Variants in PTPRG observed in about 807,000 individuals in gnomAD.
PTPRG encodes the protein receptor-type tyrosine-protein phosphatase gamma.
PTPRG carries 102 observed loss-of-function variants against 165.3 expected under a neutral mutation model. The ratio of observed to expected loss-of-function variants is 0.62; its 90% CI spans 0.53 to 0.73. The LOEUF (loss-of-function observed/expected upper bound fraction) is 0.73, where lower values mean the gene tolerates loss of function less well. PTPRG is among the 30% of genes least tolerant of loss of function. The pLI is 0.00. For missense variants in PTPRG, 1,866 were observed against 1,861.4 expected, an observed-to-expected ratio of 1.00 and a Z score of -0.05; for synonymous variants, 675 against 669.5, an observed-to-expected ratio of 1.01 and a Z score of -0.13.
At chr3:61,983,663 C>CAT (rs893221423) in intron 2 of PTPRG, among the ~76,000 whole-genome samples, 28 of 152,202 alleles carry the variant, frequency 1.8e-4, no homozygotes, top group African/African-American at 6.3e-4. Flanking sequence ...GAACATGAAT[C>CAT]ATATATAGGT....
At chr3:61,960,544 T>A (rs2040127304) in intron 2 of PTPRG, among the ~76,000 whole-genome samples, 1 of 152,126 alleles carries the variant, frequency 6.6e-6, no homozygotes, top group Admixed American at 6.6e-5. Context: ...GTAAAACTGA[T>A]CAATGGGATC....
chr3:61,768,908 A>AG (rs769975843), intron 2 of PTPRG, among the ~76,000 whole-genome samples: 3 of 152,154 alleles, frequency 2.0e-5, no homozygotes, highest in Non-Finnish European at 4.4e-5. Context: ...GTGTGGTCAC[A>AG]GGGAAATTTC....
intron 4 of PTPRG, among the ~76,000 whole-genome samples, chr3:62,065,269 G>C (rs184308852): frequency 1.1e-4 from 17 of 152,264 alleles, no homozygotes; most frequent in Admixed American, 6.5e-4. Context: ...TATTTTTTTA[G>C]AGGTAGTGAT....
At chr3:61,585,416 C>A (rs905003617) in intron 1 of PTPRG, among the ~76,000 whole-genome samples, 4 of 152,020 alleles carry the variant, frequency 2.6e-5, no homozygotes, top group South Asian at 2.1e-4. Context: ...CCATTTGGTA[C>A]TATAGCCATT....
chr3:61,992,326 GTTTTGT>G (rs751642684), intron 3 of PTPRG, among the ~76,000 whole-genome samples: 52 of 151,732 alleles, frequency 3.4e-4, no homozygotes, highest in Non-Finnish European at 6.3e-4. Context: ...AACTTGTATT[GTTTTGT>G]TTTAACACTA....
chr3:61,991,999 C>T (rs1350582198), intron 3 of PTPRG, among the ~76,000 whole-genome samples: 3 of 152,292 alleles, frequency 2.0e-5, no homozygotes, highest in East Asian at 3.9e-4. Flanking sequence ...TCTCTGAGTG[C>T]ATGCACTTGA....
At chr3:61,668,433 C>CT (rs2107056346) in intron 1 of PTPRG, among the ~76,000 whole-genome samples, 1 of 152,164 alleles carries the variant, frequency 6.6e-6, no homozygotes, top group East Asian at 1.9e-4. Context: ...AAATAGCAAT[C>CT]TTAAACTTTC....
intron 5 of PTPRG, among the ~76,000 whole-genome samples, chr3:62,089,054 C>T (rs1246765866): frequency 6.6e-6 from 1 of 152,226 alleles, no homozygotes; most frequent in Non-Finnish European, 1.5e-5. Context: ...AGGGTTTACA[C>T]TGAAGCTACT....
chr3:61,840,778 G>GTTTTTT (rs1421518243), intron 2 of PTPRG, among the ~76,000 whole-genome samples: 5 of 106,192 alleles, frequency 4.7e-5, no homozygotes, highest in African/African-American at 2.2e-4. Flanking sequence ...TTTTTTGTTT[G>GTTTTTT]TTTGTTTTTT....
intron 2 of PTPRG, among the ~76,000 whole-genome samples, chr3:61,955,315 G>T (rs1468565361): frequency 6.6e-6 from 1 of 152,074 alleles, no homozygotes; most frequent in East Asian, 1.9e-4. Flanking sequence ...CGAAGTAAAT[G>T]CTATGTAAAT....
intron 5 of PTPRG, among the ~76,000 whole-genome samples, chr3:62,080,247 T>G (rs1701524647): frequency 6.6e-6 from 1 of 151,306 alleles, no homozygotes; most frequent in Admixed American, 6.6e-5. Context: ...TTTTTTTTTT[T>G]GTATTTTTAG....
At chr3:61,977,928 A>G (rs1002938262) in intron 2 of PTPRG, among the ~76,000 whole-genome samples, 1 of 152,192 alleles carries the variant, frequency 6.6e-6, no homozygotes, top group Non-Finnish European at 1.5e-5. Flanking sequence ...TTTGAGTTTA[A>G]AGAGGTTTAC....
intron 5 of PTPRG, among the ~76,000 whole-genome samples, chr3:62,129,760 CT>C (rs763691058): frequency 1.3e-5 from 2 of 152,142 alleles, no homozygotes; most frequent in African/African-American, 2.4e-5. Flanking sequence ...AGTGGTCCCC[CT>C]GACTATAAAA....
At position 62,293,250 on chromosome 3, in the gene PTPRG, T is replaced by C. The variant is rs529320349; in HGVS notation, c.4281T>C (p.Gly1427=). ...GTCCCATGACAGTAGACAAAAATGG[T>C]GCTGTTCTTATTGCAGATGAATCAG... is the stretch of plus-strand genomic sequence containing the variant. The part of the protein sequence containing the change: ...GNGPMTVDKN[G]AVLIADESDP... Residue 1427 remains glycine, a synonymous_variant, in exon 30 of 30, where the codon GGT becomes GGC. Coordinates refer to ENST00000474889, the MANE Select transcript of PTPRG (RefSeq NM_002841.4). The C allele has an allele frequency of 2.5e-6, 4 of 1,611,858 alleles. No individual in the cohort carries two copies. In the South Asian group the frequency reaches 4.4e-5, roughly 18 times the overall value.
At chr3:61,954,850 A>T (rs943415854) in intron 2 of PTPRG, among the ~76,000 whole-genome samples, 1 of 152,244 alleles carries the variant, frequency 6.6e-6, no homozygotes, top group African/African-American at 2.4e-5. Context: ...AACAAATCAG[A>T]TGAGAAAGGA....
intron 1 of PTPRG, among the ~76,000 whole-genome samples, chr3:61,572,174 C>A (rs377738261): frequency 3.9e-5 from 6 of 152,148 alleles, no homozygotes; most frequent in African/African-American, 1.4e-4. Context: ...TACGGATTAT[C>A]CTGAGGGAGT....
chr3:61,762,288 G>A (rs1448429218), intron 2 of PTPRG, among the ~76,000 whole-genome samples: 1 of 152,106 alleles, frequency 6.6e-6, no homozygotes, highest in Non-Finnish European at 1.5e-5. Flanking sequence ...AACACTCAAG[G>A]CCAATTGAGC....
intron 2 of PTPRG, among the ~76,000 whole-genome samples, chr3:61,985,880 C>T (rs1471844513): frequency 6.6e-6 from 1 of 152,168 alleles, no homozygotes; most frequent in Non-Finnish European, 1.5e-5. Context: ...TAAATTTGCA[C>T]ATGGATTCTT....
rs142479745 is a variant in PTPRG, at chr3:61,895,063, C to G, written c.191-94562C>G. Among the ~76,000 whole-genome samples the G allele has an allele frequency of 2.6e-3, 390 of 152,242 alleles. 6 individuals are homozygous for G. The highest frequency in any genetic ancestry group is 9.0e-3 in the African/African-American group (374 of 41,546). ...TCTCCAGATGGACGTCGTTAAACAT[C>G]CCCTAGGGGCAGAATGGATCCCTGA... On this transcript the variant is annotated intron_variant, in intron 2 of 29. Coordinates refer to ENST00000474889, the MANE Select transcript of PTPRG (RefSeq NM_002841.4).
Sources: allele counts gnomAD v4.1 joint callset (sites outside exome capture counted in the v4.1 genomes callset), GRCh38; gene constraint gnomAD v4.1.1; transcripts MANE v1.5; gene names NCBI Gene and HGNC (gene_info 2026-07-23, HGNC 2026-07-21).